The following C2CD3 variants were observed in gnomAD, a reference collection of about 807,000 sequenced individuals.
C2CD3 encodes the protein C2 domain-containing protein 3.
In C2CD3, 148 loss-of-function variants were observed where a neutral mutation model predicts 234.0. That is an observed-to-expected ratio of 0.63 (90% confidence interval 0.55 to 0.72). The LOEUF is 0.72. Ranked by LOEUF, C2CD3 falls within the 30% of genes least tolerant of loss-of-function variation. The pLI, the probability that C2CD3 is intolerant of heterozygous loss-of-function variation, is 0.00. For synonymous variants in C2CD3, 1,000 were observed against 1,035.4 expected, an observed-to-expected ratio of 0.97 and a Z score of 0.66; for missense variants, 2,577 against 2,811.5, an observed-to-expected ratio of 0.92 and a Z score of 1.89.
chr11:74,057,737 A>G (rs183852099), intron 24 of C2CD3, among the ~76,000 whole-genome samples, 193 bp from the exon 25 acceptor site: 308 of 152,220 alleles, frequency 2.0e-3, no homozygotes, highest in Middle Eastern at 6.8e-3. Flanking sequence ...TTGGGAGACC[A>G]AGGTAGGAGG....
Position 74,042,128 on chromosome 11 carries a change from C to T in C2CD3, c.5586G>A (p.Glu1862=). 6.2e-7 allele frequency: 1 copy of T among 1,613,532 alleles called. No homozygotes were observed. The highest frequency in any genetic ancestry group is 1.3e-5 in the African/African-American group (1 of 74,782). ...RFHESLHLQG[E]APLPCDDKLT... is the part of the protein sequence containing the mutation. ...GTTTGTCATCACATGGCAAGGGTGC[C>T]TCTCCCTGAAGATGCAGGGATTCAT... The change falls in exon 29 of 33, where the codon GAG becomes GAA. Residue 1862 remains glutamate (E), a synonymous_variant. Transcript: ENST00000334126.
chr11:74,052,805 G>C (rs1291162401), intron 26 of C2CD3, among the ~76,000 whole-genome samples: 1 of 152,130 alleles, frequency 6.6e-6, no homozygotes, highest in East Asian at 1.9e-4. Context: ...CAGAGAGAAA[G>C]GTCAGTCAAT....
chr11:74,066,160 A>T (rs897003918), intron 24 of C2CD3, among the ~76,000 whole-genome samples: 2 of 150,376 alleles, frequency 1.3e-5, no homozygotes, highest in Non-Finnish European at 3.0e-5. Context: ...ACATGGATGA[A>T]GCTAGAAACC....
chr11:74,057,956 C>G (rs1019036005), intron 24 of C2CD3, among the ~76,000 whole-genome samples: 2 of 152,112 alleles, frequency 1.3e-5, no homozygotes, highest in Non-Finnish European at 2.9e-5. Flanking sequence ...GAGACCGTGT[C>G]AATCAATCAA....
chr11:74,117,187 TATATATATATGAATATATATATATGA>T lies in C2CD3; in HGVS notation c.1520+1015_1520+1040del, dbSNP rs1957045920. On this transcript the variant is annotated intron_variant, in intron 9 of 32. Transcript: ENST00000334126. ...ATATATATGAATATATATATATGAATATATATATATGAATATATATATATGAATATATATATATGAATATATATATA... is the reference window on the plus strand; with the variant it reads ...ATATATATGAATATATATATATGAATATATATATATATGAATATATATATA... 3.1e-3 allele frequency among the ~76,000 whole-genome samples: 47 copies of T among 15,236 alleles called. 1 individual carries two copies. The highest frequency in any genetic ancestry group is 9.4e-3 in the African/African-American group (25 of 2,664). 10.0% of individuals were successfully genotyped at this position (15,236 alleles called of 152,430 possible).
At chr11:74,075,861 T>A (rs1955013010) in intron 23 of C2CD3, among the ~76,000 whole-genome samples, 1 of 152,264 alleles carries the variant, frequency 6.6e-6, no homozygotes, top group African/African-American at 2.4e-5. Context: ...CTTGACGCAT[T>A]CAACAAACAC....
Position 74,013,511 on chromosome 11 carries a change from G to T in C2CD3, c.6936C>A (p.Ala2312=). 7.3e-7 allele frequency: 1 copy of T among 1,364,710 alleles called. No individual in the cohort carries two copies. The highest frequency in any genetic ancestry group is 9.4e-7 in the Non-Finnish European group (1 of 1,062,206). The allele number at this position is 1,364,710 out of a possible 1,614,324, so 84.5% of individuals were successfully genotyped here. Residue 2312 remains alanine (A), a synonymous_variant, in exon 33 of 33, where the codon GCC becomes GCA. Transcript: ENST00000334126. The part of the protein sequence containing the change: ...AATTDQDKSE[A]TRGALSQRPC... ...GCCTTTGGGAGAGAGCTCCCCTGGT[G>T]GCTTCGCTCTTGTCCTGGAGAGGAA...
At chr11:74,125,581 C>G (rs1364118603) in intron 7 of C2CD3, among the ~76,000 whole-genome samples, 1 of 152,068 alleles carries the variant, frequency 6.6e-6, no homozygotes, top group African/African-American at 2.4e-5. Flanking sequence ...TACACTTGAA[C>G]CACACATTTC....
At chr11:74,073,578 CTT>C (rs1340096643) in intron 24 of C2CD3, among the ~76,000 whole-genome samples, 3 of 112,758 alleles carry the variant, frequency 2.7e-5, no homozygotes, top group African/African-American at 1.1e-4. Flanking sequence ...CAGAGCAAGA[CTT>C]TGTTTCAAAA....
At chr11:74,142,697 A>G (rs1342304434) in intron 3 of C2CD3, among the ~76,000 whole-genome samples, 1 of 152,098 alleles carries the variant, frequency 6.6e-6, no homozygotes, top group African/African-American at 2.4e-5. Flanking sequence ...GAAGTAGAAC[A>G]TTAGAGGCAG....
intron 3 of C2CD3, 143 bp downstream of exon 3, chr11:74,161,256 T>A (rs1231449360): frequency 2.1e-6 from 1 of 481,306 alleles, no homozygotes; most frequent in Non-Finnish European, 3.6e-6. Context: ...GTAGGTCTAC[T>A]GGGTAAAAAC....
In C2CD3 at chr11:74,123,103, C is replaced by G. The variant is rs1590870954; in HGVS notation, c.1250G>C (p.Gly417Ala). ...TGGGGAATCTGGAGGAGAGCCTAGC[C>G]CATCCCAGAAATTGCCTTGGGATAA... ...AELSQGNFWD[G>A]LGSPPDSPSP... The change falls in exon 8 of 33, where the codon GGG becomes GCG. Residue 417 changes from glycine to alanine, a missense_variant. By Grantham distance (60) the Gly-to-Ala change is moderately conservative. Coordinates refer to ENST00000334126, the MANE Select transcript of C2CD3 (RefSeq NM_001286577.2). 1.1e-5 allele frequency: 18 copies of G among 1,613,142 alleles called. No homozygotes were observed. In the East Asian group the frequency reaches 4.0e-4, roughly 36 times the overall value.
intron 7 of C2CD3, among the ~76,000 whole-genome samples, chr11:74,127,672 T>G (rs915027326): frequency 1.3e-5 from 2 of 152,210 alleles, no homozygotes; most frequent in African/African-American, 4.8e-5. Flanking sequence ...AGGTACGAGT[T>G]TGAGGAGTGG....
chr11:74,122,988 A>C lies in C2CD3; in HGVS notation c.1365T>G (p.Pro455=), dbSNP rs1426291396. The C allele has an allele frequency of 4.3e-6, 7 of 1,612,064 alleles. 1 individual carries two copies. Among genetic ancestry groups the C allele is most frequent in the South Asian group, 1.1e-5 (1 of 91,004 alleles). Residue 455 remains proline (P), a splice_region_variant and synonymous_variant, in exon 8 of 33, where the codon CCT becomes CCG. Transcript: ENST00000334126. The part of the protein sequence containing the change: ...SLLENLFYTA[P]KSDTSISDFL... The stretch of plus-strand genomic sequence containing the variant: ...CAATGCTTCAGGTTCAGTGACTTAC[A>C]GGTGCTGTATAAAATAAATTCTCCA...
intron 29 of C2CD3, among the ~76,000 whole-genome samples, chr11:74,040,052 G>A (rs572788187): frequency 1.3e-5 from 2 of 152,158 alleles, no homozygotes; most frequent in Non-Finnish European, 2.9e-5. Context: ...GGCTGTGTTC[G>A]TGGCCTATTA....
chr11:74,028,472 AC>A, intron 31 of C2CD3, 74 bp from the exon 32 acceptor site: 1 of 854,646 alleles, frequency 1.2e-6, no homozygotes, highest in Non-Finnish European at 1.8e-6. Flanking sequence ...ATCTCCACTG[AC>A]CATTCACTCT....
intron 32 of C2CD3, among the ~76,000 whole-genome samples, chr11:74,021,176 G>C (rs1330024586): frequency 1.3e-5 from 2 of 152,086 alleles, no homozygotes; most frequent in African/African-American, 2.4e-5. Context: ...CTTGAGCCCA[G>C]GAGTTTGCAG....
Position 74,161,390 on chromosome 11 carries a change from T to C in C2CD3, c.483+9A>G, listed in dbSNP as rs763304161. The C allele has an allele frequency of 6.5e-7, 1 of 1,533,200 alleles. No individual in the cohort carries two copies. The highest frequency in any genetic ancestry group is 1.2e-5 in the South Asian group (1 of 82,518). 95.0% of individuals were successfully genotyped at this position (1,533,200 alleles called of 1,614,324 possible). A position where few individuals can be genotyped will look rare whatever the true frequency, so the allele number is the denominator to read the frequency against. On this transcript the variant is annotated intron_variant, in intron 3 of 32. Transcript: ENST00000334126. ...TTTTATGCAGCAAATAATTAAAATA[T>C]ATTTTTACCTGGAGTTCTCCAAGTT...
chr11:74,045,494 G>A (rs1031806980), intron 28 of C2CD3, among the ~76,000 whole-genome samples: 3 of 152,136 alleles, frequency 2.0e-5, no homozygotes, highest in African/African-American at 4.8e-5. Context: ...TATTGCCATC[G>A]TAAAAATATT....
Sources: gnomAD v4.1 joint callset for allele counts (sites outside exome capture counted in the v4.1 genomes callset) on GRCh38, gnomAD v4.1.1 for gene constraint, MANE v1.5 for transcripts, NCBI Gene and HGNC (gene_info 2026-07-23, HGNC 2026-07-21) for gene names.